Variants in CPQ observed in about 807,000 individuals in gnomAD.
CPQ encodes carboxypeptidase Q.
CPQ carries 37 observed loss-of-function variants against 45.7 expected under a neutral mutation model. The ratio of observed to expected loss-of-function variants is 0.81; its 90% CI spans 0.62 to 1.07. CPQ has a LOEUF of 1.07. Ranked by LOEUF, CPQ falls within the 50% of genes least tolerant of loss-of-function variation. The probability of loss-of-function intolerance (pLI) is 0.00; values close to 1 mark genes in which losing one functional copy is unlikely to be tolerated. For missense variants in CPQ, 537 were observed against 572.9 expected, an observed-to-expected ratio of 0.94 and a Z score of 0.64; for synonymous variants, 186 against 205.8, an observed-to-expected ratio of 0.90 and a Z score of 0.82.
chr8:96,685,953 C>G (rs1287080036), intron 1 of CPQ, among the ~76,000 whole-genome samples: 1 of 152,016 alleles, frequency 6.6e-6, no homozygotes, highest in Non-Finnish European at 1.5e-5. Context: ...TTTCTAGTTA[C>G]TCTATAATTT....
intron 5 of CPQ, among the ~76,000 whole-genome samples, chr8:97,003,382 G>C (rs1809319850): frequency 6.6e-6 from 1 of 152,066 alleles, no homozygotes; most frequent in African/African-American, 2.4e-5. Context: ...TGTTTTTGTA[G>C]TTCTAAACCC....
intron 4 of CPQ, among the ~76,000 whole-genome samples, chr8:96,962,608 T>C (rs1479000961): frequency 1.3e-5 from 2 of 152,252 alleles, no homozygotes; most frequent in Non-Finnish European, 2.9e-5. Flanking sequence ...TTATAACTAA[T>C]GTTCTTTTAT....
At chr8:96,802,156 CT>C (rs144881680) in intron 2 of CPQ, among the ~76,000 whole-genome samples, 11 of 151,872 alleles carry the variant, frequency 7.2e-5, no homozygotes, top group Non-Finnish European at 1.5e-4. Flanking sequence ...GTTTTTATCT[CT>C]TTTTTTCCCC....
intron 4 of CPQ, among the ~76,000 whole-genome samples, chr8:96,923,976 C>T (rs1365377460): frequency 6.6e-6 from 1 of 152,196 alleles, no homozygotes; most frequent in Non-Finnish European, 1.5e-5. Context: ...TACTTCAGTC[C>T]TCACTGGCTA....
intron 1 of CPQ, among the ~76,000 whole-genome samples, chr8:96,668,252 A>G (rs574938401): frequency 7.9e-5 from 12 of 152,302 alleles, no homozygotes; most frequent in African/African-American, 2.9e-4. Context: ...TATTTATTGG[A>G]TATCCATTGT....
chr8:97,002,075 G>T lies in CPQ; in HGVS notation c.962-27328G>T, dbSNP rs576837344. Among the ~76,000 whole-genome samples, 4 of 152,130 alleles carry T rather than the reference G, an allele frequency of 2.6e-5. No homozygotes were observed. The South Asian group carries it at 6.2e-4, about 24-fold the overall frequency. The stretch of plus-strand genomic sequence containing the variant: ...GCATAGAAGGTTCATAATATTCTCT[G>T]ATGGTTGTTTGTATTTCTGTGGAGT... On this transcript the variant is annotated intron_variant, in intron 5 of 7. Coordinates refer to ENST00000220763, the MANE Select transcript of CPQ (RefSeq NM_016134.4).
At chr8:96,926,852 AGT>A (rs1403462324) in intron 4 of CPQ, among the ~76,000 whole-genome samples, 1 of 151,752 alleles carries the variant, frequency 6.6e-6, no homozygotes, top group African/African-American at 2.4e-5. Context: ...GAGAGGCCCC[AGT>A]GTGTGATGTT....
intron 1 of CPQ, among the ~76,000 whole-genome samples, chr8:96,712,117 A>G (rs913618323): frequency 6.6e-6 from 1 of 152,156 alleles, no homozygotes; most frequent in African/African-American, 2.4e-5. Flanking sequence ...AAGTTACAAA[A>G]TGATCTCCTT....
chr8:96,883,309 G>A (rs182300046), intron 4 of CPQ, among the ~76,000 whole-genome samples: 51 of 152,174 alleles, frequency 3.4e-4, no homozygotes, highest in Non-Finnish European at 6.3e-4. Context: ...TGGAATTGCT[G>A]GACTGGCCTA....
chr8:96,814,640 A>G (rs1009147980), intron 2 of CPQ, among the ~76,000 whole-genome samples: 6 of 152,186 alleles, frequency 3.9e-5, no homozygotes, highest in African/African-American at 1.2e-4. Flanking sequence ...CATTCATTCT[A>G]TATGCCAGTT....
chr8:96,777,723 A>AATACATATATATATATAT (rs1810624743), intron 1 of CPQ, among the ~76,000 whole-genome samples: 1 of 37,832 alleles, frequency 2.6e-5, no homozygotes, highest in Non-Finnish European at 4.4e-5. Context: ...TGTCTTAGAA[A>AATACATATATATATATAT]ATATATATAT....
Position 96,985,728 on chromosome 8 carries a change from G to A in CPQ, c.961+19682G>A, listed in dbSNP as rs182728611. On this transcript the variant is annotated intron_variant, in intron 5 of 7. Transcript: ENST00000220763. ...ACCTTTTGTGTGTGTTTTCAAAGGC[G>A]TTGTAAAAAACAAAACAACATATAA... Among the ~76,000 whole-genome samples, 94 of 152,144 alleles carry A rather than the reference G, an allele frequency of 6.2e-4. 1 individual carries two copies. Among genetic ancestry groups the A allele is most frequent in the African/African-American group, 1.9e-3 (79 of 41,514 alleles).
At chr8:97,019,111 T>C (rs1388097450) in intron 5 of CPQ, among the ~76,000 whole-genome samples, 1 of 152,164 alleles carries the variant, frequency 6.6e-6, no homozygotes, top group East Asian at 1.9e-4. Flanking sequence ...AGCCAAGAAT[T>C]TTGTACCCGG....
At chr8:96,802,726 T>A (rs13257425) in intron 2 of CPQ, among the ~76,000 whole-genome samples, 121,218 of 152,090 alleles carry the variant, frequency 0.8, 48,470 homozygotes, top group East Asian at 0.94. Flanking sequence ...CTTGATTGAC[T>A]AAGTGGGTAA....
intron 1 of CPQ, among the ~76,000 whole-genome samples, chr8:96,657,650 C>G (rs940062087): frequency 6.6e-6 from 1 of 152,120 alleles, no homozygotes; most frequent in African/African-American, 2.4e-5. Context: ...CCTCTTATAA[C>G]ATTTATGAGA....
chr8:96,829,478 G>A (rs1299303481), intron 2 of CPQ, among the ~76,000 whole-genome samples: 2 of 152,088 alleles, frequency 1.3e-5, no homozygotes, highest in Non-Finnish European at 2.9e-5. Context: ...AATGAAGATG[G>A]AGGTCCATAA....
At chr8:96,861,077 A>C (rs184897328) in intron 3 of CPQ, among the ~76,000 whole-genome samples, 38 of 152,266 alleles carry the variant, frequency 2.5e-4, no homozygotes, top group Admixed American at 2.3e-3. Flanking sequence ...CAGTTGTTAA[A>C]TCTCTCTTAT....
At position 96,685,615 on chromosome 8, in the gene CPQ, T is replaced by C. The variant is rs1423281662; in HGVS notation, c.-35+40213T>C. 2.6e-5 allele frequency among the ~76,000 whole-genome samples: 4 copies of C among 152,238 alleles called. No homozygotes were observed. The South Asian group carries it at 6.2e-4, about 24-fold the overall frequency. ...CTGTTTACAAACCAGCAACTCACCATTTTAAATAATAGCTTTACAACAGGT... is the reference window on the plus strand; with the variant it reads ...CTGTTTACAAACCAGCAACTCACCACTTTAAATAATAGCTTTACAACAGGT... On this transcript the variant is annotated intron_variant, in intron 1 of 7. Coordinates refer to ENST00000220763, the MANE Select transcript of CPQ (RefSeq NM_016134.4).
chr8:97,020,998 A>G (rs778153207), intron 5 of CPQ, among the ~76,000 whole-genome samples: 8 of 152,268 alleles, frequency 5.3e-5, no homozygotes, highest in South Asian at 2.1e-4. Flanking sequence ...ACCAAATCCA[A>G]CAACGTATCA....
Sources: allele counts gnomAD v4.1 joint callset (sites outside exome capture counted in the v4.1 genomes callset), GRCh38; gene constraint gnomAD v4.1.1; transcripts MANE v1.5; gene names NCBI Gene and HGNC (gene_info 2026-07-23, HGNC 2026-07-21).